Variants in ABCA8 observed in about 807,000 individuals in gnomAD.
The protein encoded by ABCA8 is ATP binding cassette subfamily A member 8.
Under a neutral mutation model 192.3 loss-of-function variants are expected in ABCA8, and 177 were observed. That is an observed-to-expected ratio of 0.92 (90% CI 0.81 to 1.04). The LOEUF is 1.04. Among genes scored for constraint, ABCA8 ranks in the 50% least tolerant of loss-of-function variants. The probability of loss-of-function intolerance (pLI) is 0.00; values close to 1 mark genes in which losing one functional copy is unlikely to be tolerated. For missense variants in ABCA8, 1,915 were observed against 1,904.8 expected, an observed-to-expected ratio of 1.01 and a Z score of -0.10; for synonymous variants, 642 against 690.2, an observed-to-expected ratio of 0.93 and a Z score of 1.09.
At chr17:68,915,429 G>GA (rs1292837335) in intron 17 of ABCA8, among the ~76,000 whole-genome samples, 11 of 151,806 alleles carry the variant, frequency 7.2e-5, no homozygotes, top group African/African-American at 1.2e-4. Flanking sequence ...AACTTAATAG[G>GA]AAAAAATCTA....
At chr17:68,889,231 C>T (rs4147313) in intron 24 of ABCA8, among the ~76,000 whole-genome samples, 63,601 of 151,904 alleles carry the variant, frequency 0.42, 13,893 homozygotes, top group East Asian at 0.56. Context: ...GATGCTTACA[C>T]AAGGTTTCAT....
intron 5 of ABCA8, 124 bp from the exon 6 acceptor site, chr17:68,933,395 T>C (rs1428111015): frequency 1.3e-5 from 8 of 615,566 alleles, no homozygotes; most frequent in African/African-American, 5.6e-5. Context: ...ATGTTCTTAT[T>C]TTGACTCAAA....
rs149486717 is a variant in ABCA8 at position 68,932,332 on chromosome 17, C to T, written c.753G>A (p.Met251Ile). ...SVNVTRERKR[M>I]KALMTMMGLR... ...GACCCATCATTGTCATCAAGGCCTT[C>T]ATCCTTTTCCTCTCTCTTGTGACAT... The change falls in exon 7 of 40, where the codon ATG (methionine) becomes ATA (isoleucine). Residue 251 changes from methionine to isoleucine, a missense_variant. Met to Ile is a conservative substitution (Grantham distance 10). Coordinates refer to ENST00000586539, the MANE Select transcript of ABCA8 (RefSeq NM_001288985.2). The T allele has an allele frequency of 2.4e-3, 3,859 of 1,614,082 alleles. 27 individuals are homozygous for T. Among genetic ancestry groups the T allele is most frequent in the African/African-American group, 0.023 (1,751 of 75,028 alleles).
intron 36 of ABCA8, 104 bp downstream of exon 36, chr17:68,875,510 G>A: frequency 1.3e-6 from 2 of 1,589,420 alleles, no homozygotes; most frequent in Middle Eastern, 3.4e-4. Context: ...TGTTAGACCT[G>A]GGCACAGTCA....
intron 1 of ABCA8, among the ~76,000 whole-genome samples, chr17:68,949,691 A>G (rs368775796): frequency 1.3e-4 from 20 of 152,320 alleles, no homozygotes; most frequent in African/African-American, 4.6e-4. Context: ...AATGACAAAA[A>G]CCACATGATT....
chr17:68,928,761 A>G lies in ABCA8; in HGVS notation c.1125+288T>C, dbSNP rs550873114. Among the ~76,000 whole-genome samples, 13 of 152,324 alleles carry G rather than the reference A, an allele frequency of 8.5e-5. No individual in the cohort carries two copies. The East Asian group carries it at 2.5e-3, about 29-fold the overall frequency. Reference sequence around the variant, plus strand: ...AACATGAACTGGAATAGTTATTTATAATTAGATTTGCCACATGTCCATATT... The same window carrying G: ...AACATGAACTGGAATAGTTATTTATGATTAGATTTGCCACATGTCCATATT... On this transcript the variant is annotated intron_variant, in intron 9 of 39. Transcript: ENST00000586539.
chr17:68,869,662 T>G (rs748288699), intron 38 of ABCA8, 38 bp downstream of exon 38: 10 of 1,314,968 alleles, frequency 7.6e-6, no homozygotes, highest in East Asian at 4.6e-5. Flanking sequence ...TGAAATTATC[T>G]TCTTTCCAGG....
In ABCA8 at chr17:68,940,886, G is replaced by A. The variant is rs765369042; in HGVS notation, c.173C>T (p.Ser58Leu). Residue 58 changes from serine to leucine, a missense_variant, in exon 4 of 40, where the codon TCA (serine) becomes TTA (leucine). Coordinates refer to ENST00000586539, the MANE Select transcript of ABCA8 (RefSeq NM_001288985.2). ...CCGTCCCAGGTCCATGGTAAGCAGT[G>A]AAGAAAAATCATTTACTTGATGACT... is the stretch of plus-strand genomic sequence containing the variant. ...PHSHQVNDFS[S>L]LLTMDLGRVD... 26 of 1,612,776 alleles carry A rather than the reference G, an allele frequency of 1.6e-5. No homozygotes were observed. Among genetic ancestry groups the A allele is most frequent in the Non-Finnish European group, 2.2e-5 (26 of 1,179,090 alleles).
At chr17:68,899,649 T>C (rs1360843536) in intron 21 of ABCA8, among the ~76,000 whole-genome samples, 1 of 152,080 alleles carries the variant, frequency 6.6e-6, no homozygotes, top group Non-Finnish European at 1.5e-5. Flanking sequence ...AACAGCAGAA[T>C]GCACATTCTT....
At chr17:68,910,642 A>G (rs190596149) in intron 17 of ABCA8, among the ~76,000 whole-genome samples, 36 of 152,226 alleles carry the variant, frequency 2.4e-4, no homozygotes, top group African/African-American at 7.9e-4. Flanking sequence ...CCCTCCCCCA[A>G]CACCAGACAG....
chr17:68,952,825 T>G (rs147173769), intron 1 of ABCA8, among the ~76,000 whole-genome samples: 40 of 152,228 alleles, frequency 2.6e-4, no homozygotes, highest in African/African-American at 7.0e-4. Flanking sequence ...CTCTACCCCC[T>G]GGTAGGAGTA....
At chr17:68,931,543 C>T (rs1402349495) in intron 7 of ABCA8, among the ~76,000 whole-genome samples, 3 of 151,906 alleles carry the variant, frequency 2.0e-5, no homozygotes, top group Non-Finnish European at 4.4e-5. Flanking sequence ...TTATCTTCCT[C>T]CTTTCTAAAA....
intron 32 of ABCA8, chr17:68,880,107 C>G (rs2066297250): frequency 6.6e-6 from 1 of 152,174 alleles, no homozygotes; most frequent in Admixed American, 6.5e-5. Flanking sequence ...ATGCTTTTTC[C>G]AGGCCTGCCC....
intron 24 of ABCA8, among the ~76,000 whole-genome samples, chr17:68,888,635 AG>A (rs1204350865): frequency 1.3e-5 from 2 of 152,202 alleles, no homozygotes; most frequent in Admixed American, 6.5e-5. Context: ...GAAAATAGCA[AG>A]GGGGGAAGAC....
intron 19 of ABCA8, among the ~76,000 whole-genome samples, chr17:68,904,340 A>AATT (rs1209455420): frequency 7.5e-6 from 1 of 133,288 alleles, no homozygotes; most frequent in Non-Finnish European, 1.6e-5. Context: ...TAATAATAAT[A>AATT]ATTCAGGGAT....
At chr17:68,876,762 A>T in intron 33 of ABCA8, 59 bp from the exon 34 acceptor site, 1 of 1,605,538 alleles carries the variant, frequency 6.2e-7, no homozygotes, top group Non-Finnish European at 8.5e-7. Context: ...ATAAGAGGAT[A>T]ACCCAAGCAA....
At chr17:68,918,353 T>C in intron 15 of ABCA8, 74 bp downstream of exon 15, 1 of 1,520,346 alleles carries the variant, frequency 6.6e-7, no homozygotes, top group Non-Finnish European at 8.8e-7. Flanking sequence ...CCTTTGCGAA[T>C]AAAATATTTG....
chr17:68,895,408 A>C (rs936725526), intron 21 of ABCA8, among the ~76,000 whole-genome samples: 9 of 152,216 alleles, frequency 5.9e-5, no homozygotes, highest in Non-Finnish European at 1.3e-4. Context: ...CAACATGTAG[A>C]CTAGCAATGT....
At chr17:68,928,352 C>T in intron 9 of ABCA8, among the ~76,000 whole-genome samples, 1 of 152,164 alleles carries the variant, frequency 6.6e-6, no homozygotes, top group East Asian at 1.9e-4. Context: ...TGAGATCGAA[C>T]TTAGATGAAC....
Sources: allele counts gnomAD v4.1 joint callset (sites outside exome capture counted in the v4.1 genomes callset), GRCh38; gene constraint gnomAD v4.1.1; transcripts MANE v1.5; gene names NCBI Gene and HGNC (gene_info 2026-07-23, HGNC 2026-07-21).